The following NUP210L variants were observed in gnomAD, a reference collection of about 807,000 sequenced individuals.
The protein encoded by NUP210L is nucleoporin 210 like, also known as nuclear pore membrane glycoprotein 210-like.
A neutral mutation model predicts 208.5 loss-of-function variants in NUP210L; 74 were observed. The observed-to-expected ratio is 0.35, with a 90% confidence interval of 0.29 to 0.43. The LOEUF is 0.43. Ranked by LOEUF, NUP210L falls within the 20% of genes least tolerant of loss-of-function variation. The pLI, the probability that NUP210L is intolerant of heterozygous loss-of-function variation, is 1.00. For missense variants in NUP210L, 1,843 were observed against 2,289.4 expected (o/e 0.81, Z 3.98); for synonymous variants, 780 against 816.9 (o/e 0.95, Z 0.77).
chr1:154,095,161 T>G lies in NUP210L; in HGVS notation c.1966-5A>C. On this transcript the variant is annotated splice_polypyrimidine_tract_variant and splice_region_variant and intron_variant, in intron 14 of 39. Coordinates refer to ENST00000368559, the Ensembl canonical transcript of NUP210L. ...CACTTCCACAGGATTTAAAGCCTGA[T>G]GATATTTAAAGAAATTAATTCCTGA... 1.2e-6 allele frequency: 2 copies of G among 1,604,712 alleles called. No homozygotes were observed. Among genetic ancestry groups the G allele is most frequent in the Non-Finnish European group, 1.7e-6 (2 of 1,171,690 alleles).
At chr1:154,151,432 G>A (rs1320337387) in intron 2 of NUP210L, among the ~76,000 whole-genome samples, 3 of 151,686 alleles carry the variant, frequency 2.0e-5, no homozygotes, top group Non-Finnish European at 4.4e-5. Flanking sequence ...CATTAAGAGG[G>A]CCAGTAACAA....
chr1:154,044,407 C>CA (rs577871170), intron 27 of NUP210L, among the ~76,000 whole-genome samples: 39,429 of 131,732 alleles, frequency 0.3, 5,682 homozygotes, highest in Admixed American at 0.38. Flanking sequence ...AACTCTGTCT[C>CA]AAAAAAAAAA....
At chr1:154,081,738 T>C (rs777628206) in intron 16 of NUP210L, among the ~76,000 whole-genome samples, 1 of 152,152 alleles carries the variant, frequency 6.6e-6, no homozygotes, top group Non-Finnish European at 1.5e-5. Context: ...TCCCAGCACA[T>C]TGGGAGGCCG....
At chr1:154,042,514 C>T (rs982919022) in intron 27 of NUP210L, among the ~76,000 whole-genome samples, 1 of 151,944 alleles carries the variant, frequency 6.6e-6, no homozygotes, top group Non-Finnish European at 1.5e-5. Flanking sequence ...GCAAGCTCCG[C>T]CTCCTGGGTT....
intron 35 of NUP210L, among the ~76,000 whole-genome samples, chr1:154,005,360 A>G (rs1650460600): frequency 6.6e-6 from 1 of 151,696 alleles, no homozygotes; most frequent in Non-Finnish European, 1.5e-5. Flanking sequence ...AGTAGCTGGG[A>G]CTACCCAAGT....
At chr1:154,040,186 C>T (rs187848953) in intron 27 of NUP210L, among the ~76,000 whole-genome samples, 2 of 152,174 alleles carry the variant, frequency 1.3e-5, no homozygotes, top group African/African-American at 4.8e-5. Flanking sequence ...TGATGCCTGG[C>T]TAATCTTTCC....
At position 154,055,123 on chromosome 1, in the gene NUP210L, T is replaced by TTCTC. The variant is rs1653749970; in HGVS notation, c.3241-292_3241-291insGAGA. ...TCTTTCTTTTCTTTCTCTTTCTTTC[T>TTCTC]TTTCTTTCTTTCTTTCTTTCTTTCT... is the stretch of plus-strand genomic sequence containing the variant. On this transcript the variant is annotated intron_variant, in intron 23 of 39. Coordinates refer to ENST00000368559, the Ensembl canonical transcript of NUP210L. Among the ~76,000 whole-genome samples, 3 of 117,140 alleles carry TTCTC rather than the reference T, an allele frequency of 2.6e-5. No homozygotes were observed. In the Admixed American group the frequency reaches 2.9e-4, roughly 11 times the overall value. 76.8% of individuals were successfully genotyped at this position (117,140 alleles called of 152,430 possible).
In NUP210L at chr1:154,012,404, G is replaced by A. The variant is rs142666895; in HGVS notation, c.4654-34C>T. Reference sequence around the variant, plus strand: ...AAATCAAAGGAAAATCTGCACCTAAGTTCCTAGAGAATCTGACTCCTTCCA... The same window carrying A: ...AAATCAAAGGAAAATCTGCACCTAAATTCCTAGAGAATCTGACTCCTTCCA... On this transcript the variant is annotated intron_variant, in intron 33 of 39. Coordinates refer to ENST00000368559, the Ensembl canonical transcript of NUP210L. 1.7e-4 allele frequency: 270 copies of A among 1,600,776 alleles called. 1 individual carries two copies. In the African/African-American group the frequency reaches 3.0e-3, roughly 18 times the overall value.
At chr1:154,046,470 A>T in intron 25 of NUP210L, 101 bp from the exon 26 acceptor site, 3 of 995,456 alleles carry the variant, frequency 3.0e-6, no homozygotes, top group Non-Finnish European at 3.1e-6. Context: ...TTTAACATTC[A>T]GTAAAAAACC....
chr1:154,006,165 G>A (rs931985639), intron 35 of NUP210L, among the ~76,000 whole-genome samples: 1 of 151,974 alleles, frequency 6.6e-6, no homozygotes, highest in African/African-American at 2.4e-5. Flanking sequence ...GCCAAAAACT[G>A]CCTTCATTTT....
At chr1:154,127,469 C>A in intron 8 of NUP210L, 52 bp from the exon 9 acceptor site, 1 of 835,106 alleles carries the variant, frequency 1.2e-6, no homozygotes. Context: ...CATTTTTCTA[C>A]AACGAATTTA....
chr1:154,135,362 AATAACTT>A (rs1658478976), intron 7 of NUP210L, among the ~76,000 whole-genome samples: 1 of 152,168 alleles, frequency 6.6e-6, no homozygotes, highest in Admixed American at 6.5e-5. Flanking sequence ...TTATGACAGT[AATAACTT>A]ATAATTCTTT....
At chr1:154,102,850 A>C (rs1349143818) in intron 13 of NUP210L, among the ~76,000 whole-genome samples, 1 of 124,120 alleles carries the variant, frequency 8.1e-6, no homozygotes, top group Non-Finnish European at 1.9e-5. Flanking sequence ...TTCCTCTTAA[A>C]AGACATATGG....
At position 154,060,646 on chromosome 1, in the gene NUP210L, G is replaced by C. The variant is rs969725100; in HGVS notation, c.2749-5C>G. ...TTCCACAAGGCTAAATGTTTCCTATGGAAAAATCAGACAAACAATATTCTG... is the reference window on the plus strand; with the variant it reads ...TTCCACAAGGCTAAATGTTTCCTATCGAAAAATCAGACAAACAATATTCTG... On this transcript the variant is annotated splice_region_variant and splice_polypyrimidine_tract_variant and intron_variant, in intron 19 of 39. Transcript: ENST00000368559. 1 of 1,582,478 alleles carries C rather than the reference G, an allele frequency of 6.3e-7. No homozygotes were observed. The highest frequency in any genetic ancestry group is 1.3e-5 in the African/African-American group (1 of 74,160).
intron 10 of NUP210L, among the ~76,000 whole-genome samples, chr1:154,123,107 G>A (rs1305875269): frequency 4.0e-5 from 6 of 150,486 alleles, no homozygotes; most frequent in South Asian, 2.1e-4. Flanking sequence ...TTAATTCAGC[G>A]AAGTTGCCAT....
In NUP210L at chr1:153,995,059, G is replaced by T; in HGVS notation, c.5491+17C>A. 2.4e-5 allele frequency: 32 copies of T among 1,355,908 alleles called. No individual in the cohort carries two copies. Among genetic ancestry groups the T allele is most frequent in the Non-Finnish European group, 3.2e-5 (31 of 961,796 alleles). The allele number at this position is 1,355,908 out of a possible 1,614,324, so 84.0% of individuals were successfully genotyped here. ...TTTTCATGTCAAAGTCTATGTTATTGAATATAAGGACTCTACCTAGGAAGA... is the reference window on the plus strand; with the variant it reads ...TTTTCATGTCAAAGTCTATGTTATTTAATATAAGGACTCTACCTAGGAAGA... On this transcript the variant is annotated intron_variant, in intron 38 of 39. Transcript: ENST00000368559.
chr1:154,078,219 G>T (rs569178490), intron 16 of NUP210L, among the ~76,000 whole-genome samples: 2 of 151,792 alleles, frequency 1.3e-5, no homozygotes, highest in African/African-American at 4.8e-5. Context: ...AGGGAGGCTG[G>T]GGTGGGAGGA....
At chr1:154,110,892 C>T (rs1187838255) in intron 12 of NUP210L, among the ~76,000 whole-genome samples, 1 of 149,892 alleles carries the variant, frequency 6.7e-6, no homozygotes, top group African/African-American at 2.5e-5. Context: ...AAAAGAAAAA[C>T]AAAACTGCAA....
exon 11 of NUP210L, chr1:154,118,684 C>A (rs944939030): frequency 6.3e-7 from 1 of 1,596,226 alleles, no homozygotes; most frequent in Non-Finnish European, 8.5e-7. Flanking sequence ...TACTTTATAA[C>A]GATATAACAT....
Sources: allele counts gnomAD v4.1 joint callset (sites outside exome capture counted in the v4.1 genomes callset), GRCh38; gene constraint gnomAD v4.1.1; transcripts MANE v1.5; gene names NCBI Gene and HGNC (gene_info 2026-07-23, HGNC 2026-07-21).